The following FOXP1 variants were observed in gnomAD, a reference collection of about 807,000 sequenced individuals.
The protein encoded by FOXP1 is forkhead box protein P1.
In FOXP1, 15 loss-of-function variants were observed where a neutral mutation model predicts 98.2. The ratio of observed to expected loss-of-function variants is 0.15; its 90% CI spans 0.10 to 0.24. The LOEUF (loss-of-function observed/expected upper bound fraction) is 0.24, where lower values mean the gene tolerates loss of function less well. Ranked by LOEUF, FOXP1 falls within the 10% of genes least tolerant of loss-of-function variation. The probability of loss-of-function intolerance (pLI) is 1.00; values close to 1 mark genes in which losing one functional copy is unlikely to be tolerated. For missense variants in FOXP1, 633 were observed against 848.5 expected (o/e 0.75, Z 3.15); for synonymous variants, 371 against 314.5 (o/e 1.18, Z -1.90).
chr3:71,363,179 T>A (rs2078690936), intron 3 of FOXP1, among the ~76,000 whole-genome samples: 1 of 152,056 alleles, frequency 6.6e-6, no homozygotes, highest in South Asian at 2.1e-4. Context: ...AATTGAAAAT[T>A]TTTTCAATTT....
intron 5 of FOXP1, among the ~76,000 whole-genome samples, chr3:71,278,768 C>CGAG (rs1560230049): frequency 6.6e-6 from 1 of 151,376 alleles, no homozygotes; most frequent in African/African-American, 2.4e-5. Flanking sequence ...GGCGACAGAG[C>CGAG]GAGACTCCAT....
chr3:71,082,868 G>T (rs974913120), intron 7 of FOXP1, among the ~76,000 whole-genome samples: 2 of 152,110 alleles, frequency 1.3e-5, no homozygotes, highest in African/African-American at 4.8e-5. Context: ...CAGCTGACTG[G>T]CTAAACAATA....
chr3:71,363,527 T>C (rs746628218), intron 3 of FOXP1, among the ~76,000 whole-genome samples: 21 of 152,202 alleles, frequency 1.4e-4, no homozygotes, highest in Non-Finnish European at 2.6e-4. Context: ...TTTAAATATA[T>C]TTAAACAAGT....
At position 71,581,688 on chromosome 3, in the gene FOXP1, C is replaced by T; in HGVS notation, c.-437G>A. The T allele has an allele frequency of 1.0e-6, 1 of 985,806 alleles. No homozygotes were observed. Among genetic ancestry groups the T allele is most frequent in the Non-Finnish European group, 1.2e-6 (1 of 830,106 alleles). 61.1% of individuals were successfully genotyped at this position (985,806 alleles called of 1,614,324 possible). ...CCGCGCGCTCTCTTCCTCTTACAAA[C>T]TTTCGGGTTCTGCAGTCGACAAGAA... On this transcript the variant is annotated 5_prime_UTR_variant, in exon 2 of 21. Transcript: ENST00000649528.
In FOXP1 at chr3:71,081,388, C is replaced by T. The variant is rs969902377; in HGVS notation, c.283-27615G>A. On this transcript the variant is annotated intron_variant, in intron 7 of 20. Transcript: ENST00000649528. ...TCTGATCTGGAATAGATTTAGCGATCATCTTAATCCCACCCCCTCACTCCA... is the reference window on the plus strand; with the variant it reads ...TCTGATCTGGAATAGATTTAGCGATTATCTTAATCCCACCCCCTCACTCCA... Among the ~76,000 whole-genome samples, 4 of 152,176 alleles carry T rather than the reference C, an allele frequency of 2.6e-5. No homozygotes were observed. In the South Asian group the frequency reaches 8.3e-4, roughly 32 times the overall value.
intron 2 of FOXP1, among the ~76,000 whole-genome samples, chr3:71,500,565 CCT>C (rs1206085239): frequency 6.6e-6 from 1 of 152,218 alleles, no homozygotes; most frequent in Middle Eastern, 3.2e-3. Context: ...TTAGTGCTCA[CCT>C]CTCTCCACCA....
intron 3 of FOXP1, among the ~76,000 whole-genome samples, chr3:71,452,893 C>A (rs1220658843): frequency 6.6e-6 from 1 of 152,156 alleles, no homozygotes; most frequent in Non-Finnish European, 1.5e-5. Context: ...TTACTACTTA[C>A]AAGAGTGCTT....
chr3:70,973,194 G>A (rs1184023877), intron 17 of FOXP1, among the ~76,000 whole-genome samples: 3 of 152,044 alleles, frequency 2.0e-5, no homozygotes, highest in Non-Finnish European at 2.9e-5. Context: ...TGAGAGTATC[G>A]CCTTGTATAG....
intron 7 of FOXP1, among the ~76,000 whole-genome samples, chr3:71,086,765 T>A (rs1576669753): frequency 6.6e-6 from 1 of 152,168 alleles, no homozygotes; most frequent in East Asian, 1.9e-4. Flanking sequence ...CCAATTTATG[T>A]AAAATTAAAA....
intron 3 of FOXP1, among the ~76,000 whole-genome samples, chr3:71,464,012 C>T (rs552990645): frequency 6.6e-6 from 1 of 152,316 alleles, no homozygotes; most frequent in East Asian, 1.9e-4. Context: ...CACATGGTGG[C>T]TCACGCTTCT....
chr3:71,332,167 A>T (rs2076365180), intron 4 of FOXP1: 1 of 152,366 alleles, frequency 6.6e-6, no homozygotes, highest in South Asian at 2.1e-4. Flanking sequence ...TTGGGTCCAC[A>T]CTGCCTTTAT....
At chr3:71,489,520 A>T (rs2090911196) in intron 3 of FOXP1, among the ~76,000 whole-genome samples, 1 of 152,204 alleles carries the variant, frequency 6.6e-6, no homozygotes, top group Non-Finnish European at 1.5e-5. Flanking sequence ...GATCACATTT[A>T]TTAATAACAC....
chr3:71,347,741 C>T (rs2077459055), intron 4 of FOXP1, among the ~76,000 whole-genome samples: 1 of 151,992 alleles, frequency 6.6e-6, no homozygotes, highest in Admixed American at 6.6e-5. Flanking sequence ...CAAAATTAGC[C>T]AGGCGTGGTG....
chr3:70,978,053 T>C (rs749873066), intron 14 of FOXP1, 24 bp from the exon 15 acceptor site: 6 of 1,607,622 alleles, frequency 3.7e-6, no homozygotes, highest in East Asian at 4.5e-5. Context: ...AACAACGTCT[T>C]AGAAGACCTT....
At chr3:71,581,978 A>C in intron 1 of FOXP1, 4 of 801,712 alleles carry the variant, frequency 5.0e-6, no homozygotes, top group African/African-American at 2.0e-5. Flanking sequence ...AGGAATAGGG[A>C]GAAGGGGGTG....
intron 4 of FOXP1, among the ~76,000 whole-genome samples, chr3:71,356,213 CAAAAAAAAAA>C (rs3064928): frequency 2.7e-5 from 2 of 75,352 alleles, no homozygotes; most frequent in Non-Finnish European, 5.6e-5. Context: ...CTGACTAAGT[CAAAAAAAAAA>C]AAAAAAAAAA....
At chr3:71,556,454 G>A (rs1326914786) in intron 2 of FOXP1, among the ~76,000 whole-genome samples, 1 of 151,946 alleles carries the variant, frequency 6.6e-6, no homozygotes, top group East Asian at 1.9e-4. Flanking sequence ...GCAGGTGCCT[G>A]TAGTTCCAGC....
At chr3:71,227,073 G>A (rs1025363352) in intron 5 of FOXP1, among the ~76,000 whole-genome samples, 4 of 152,012 alleles carry the variant, frequency 2.6e-5, no homozygotes, top group African/African-American at 7.3e-5. Context: ...CGGTTCTAGC[G>A]ATGCAGTGGT....
chr3:71,437,681 G>A (rs1248051402), intron 3 of FOXP1, among the ~76,000 whole-genome samples: 1 of 152,124 alleles, frequency 6.6e-6, no homozygotes, highest in South Asian at 2.1e-4. Flanking sequence ...TAAAACGCAA[G>A]CCCAAAGGGT....
Sources: gnomAD v4.1 joint callset for allele counts (sites outside exome capture counted in the v4.1 genomes callset) on GRCh38, gnomAD v4.1.1 for gene constraint, MANE v1.5 for transcripts, NCBI Gene and HGNC (gene_info 2026-07-23, HGNC 2026-07-21) for gene names.